Variants in CSMD1 observed in about 807,000 individuals in gnomAD.
CSMD1 encodes the protein CUB and Sushi multiple domains 1, also known as CUB and sushi domain-containing protein 1.
A neutral mutation model predicts 417.5 loss-of-function variants in CSMD1; 213 were observed. The observed-to-expected ratio is 0.51, with a 90% CI of 0.46 to 0.57. The LOEUF is 0.57. Ranked by LOEUF, CSMD1 falls within the 20% of genes least tolerant of loss-of-function variation. CSMD1 has a pLI of 0.00. For missense variants in CSMD1, 6,923 were observed against 4,529.7 expected (o/e 1.53, Z -15.17); for synonymous variants, 2,862 against 1,736.8 (o/e 1.65, Z -16.11).
At chr8:4,307,263 A>G (rs1798299085) in intron 3 of CSMD1, among the ~76,000 whole-genome samples, 1 of 152,108 alleles carries the variant, frequency 6.6e-6, no homozygotes, top group Admixed American at 6.6e-5. Context: ...TCATGCACAG[A>G]GGGCTGTTGA....
intron 57 of CSMD1, among the ~76,000 whole-genome samples, chr8:2,967,133 G>C (rs1219799149): frequency 6.6e-6 from 1 of 152,162 alleles, no homozygotes; most frequent in African/African-American, 2.4e-5. Context: ...GAATATCTAT[G>C]ATATTAGCAA....
At chr8:4,257,858 T>C (rs1217890552) in intron 3 of CSMD1, among the ~76,000 whole-genome samples, 1 of 152,220 alleles carries the variant, frequency 6.6e-6, no homozygotes, top group Non-Finnish European at 1.5e-5. Context: ...ATTATTCAGC[T>C]ACAGCGTACT....
At chr8:3,719,983 G>A (rs529652220) in intron 6 of CSMD1, among the ~76,000 whole-genome samples, 65 of 152,294 alleles carry the variant, frequency 4.3e-4, no homozygotes, top group South Asian at 3.9e-3. Flanking sequence ...CAGAGCTGTG[G>A]TGAAGATTAC....
At position 4,160,407 on chromosome 8, in the gene CSMD1, C is replaced by T. The variant is rs150765469; in HGVS notation, c.416-128308G>A. Among the ~76,000 whole-genome samples, 1,502 of 152,202 alleles carry T rather than the reference C, an allele frequency of 9.9e-3. 26 individuals carry two copies. The highest frequency in any genetic ancestry group is 0.034 in the African/African-American group (1,423 of 41,502). ...GTTATGTTGACATATATATACGCAA[C>T]TTTAAATTCAATGAAATAGTCCAGA... On this transcript the variant is annotated intron_variant, in intron 3 of 69. Transcript: ENST00000635120.
At chr8:3,869,813 G>T (rs762240048) in intron 5 of CSMD1, among the ~76,000 whole-genome samples, 2 of 152,060 alleles carry the variant, frequency 1.3e-5, no homozygotes, top group Admixed American at 1.3e-4. Flanking sequence ...CCAGATTTCC[G>T]TATCAACTGC....
rs896452688 is a variant in CSMD1, at chr8:4,254,327, C to T, written c.415+165626G>A. Among the ~76,000 whole-genome samples, 4 of 152,226 alleles carry T rather than the reference C, an allele frequency of 2.6e-5. 1 individual carries two copies. Among genetic ancestry groups the T allele is most frequent in the Non-Finnish European group, 4.4e-5 (3 of 68,024 alleles). Reference sequence around the variant, plus strand: ...CAGGAATTCGATTATTGATAACATTCGTTCTATGGAGAGTCTGCTTGTATA... The same window carrying T: ...CAGGAATTCGATTATTGATAACATTTGTTCTATGGAGAGTCTGCTTGTATA... On this transcript the variant is annotated intron_variant, in intron 3 of 69. Transcript: ENST00000635120.
chr8:4,693,622 C>T (rs1054318129), intron 1 of CSMD1, among the ~76,000 whole-genome samples: 2 of 152,078 alleles, frequency 1.3e-5, no homozygotes, highest in Non-Finnish European at 2.9e-5. Flanking sequence ...TTTTCTCCTT[C>T]CATTTTTTCA....
At chr8:4,264,733 G>A (rs1479039424) in intron 3 of CSMD1, among the ~76,000 whole-genome samples, 2 of 152,120 alleles carry the variant, frequency 1.3e-5, no homozygotes, top group Non-Finnish European at 2.9e-5. Context: ...CCCAGGGGTA[G>A]GGAACATCCT....
At chr8:4,278,065 A>G (rs1193026477) in intron 3 of CSMD1, among the ~76,000 whole-genome samples, 1 of 152,162 alleles carries the variant, frequency 6.6e-6, no homozygotes, top group Non-Finnish European at 1.5e-5. Flanking sequence ...CTAACTTTAA[A>G]TACAATAATT....
At position 3,387,471 on chromosome 8, in the gene CSMD1, T is replaced by A. The variant is rs113836129; in HGVS notation, c.2782+23A>T. On this transcript the variant is annotated intron_variant, in intron 18 of 69. Transcript: ENST00000635120. ...TGTCTCTGCACACCCTGCTGGTGCA[T>A]TGCCTCACTGAGCTGTACCTACCGT... is the stretch of plus-strand genomic sequence containing the variant. 8.3e-6 allele frequency: 13 copies of A among 1,572,276 alleles called. No individual in the cohort carries two copies. In the African/African-American group the frequency reaches 1.2e-4, roughly 15 times the overall value.
chr8:3,704,177 G>C (rs1801032703), intron 7 of CSMD1, among the ~76,000 whole-genome samples: 2 of 152,164 alleles, frequency 1.3e-5, no homozygotes, highest in African/African-American at 4.8e-5. Context: ...GTGAAGGCTG[G>C]TTGTTGGAGA....
intron 7 of CSMD1, among the ~76,000 whole-genome samples, chr8:3,622,825 G>C (rs1471054772): frequency 3.3e-5 from 5 of 152,136 alleles, no homozygotes; most frequent in Non-Finnish European, 5.9e-5. Flanking sequence ...GATTCATCTA[G>C]AAATAAAAGC....
chr8:3,157,191 G>C (rs1399924170), intron 39 of CSMD1, among the ~76,000 whole-genome samples: 1 of 151,972 alleles, frequency 6.6e-6, no homozygotes, highest in Non-Finnish European at 1.5e-5. Flanking sequence ...TTTCTGAGTT[G>C]GGCTACAACA....
At chr8:4,788,077 T>C (rs903555850) in intron 1 of CSMD1, 125 of 1,600,036 alleles carry the variant, frequency 7.8e-5, no homozygotes, top group Non-Finnish European at 1.0e-4. Flanking sequence ...GCAGAGAAAG[T>C]AGAGTTGCTT....
chr8:4,102,177 C>G (rs1443002429), intron 3 of CSMD1, among the ~76,000 whole-genome samples: 2 of 152,126 alleles, frequency 1.3e-5, no homozygotes, highest in Non-Finnish European at 2.9e-5. Flanking sequence ...TTTTGTTTTT[C>G]TGTGTTAAAT....
At chr8:3,430,029 G>C (rs1206040105) in intron 12 of CSMD1, among the ~76,000 whole-genome samples, 1 of 151,990 alleles carries the variant, frequency 6.6e-6, no homozygotes, top group East Asian at 1.9e-4. Context: ...TATAAAAGAG[G>C]ATAAATCAGA....
intron 33 of CSMD1, among the ~76,000 whole-genome samples, chr8:3,190,683 C>A (rs1195869492): frequency 6.6e-6 from 1 of 152,188 alleles, no homozygotes; most frequent in Non-Finnish European, 1.5e-5. Context: ...AAAATCGGTA[C>A]TCTCACATTC....
chr8:3,338,733 A>G (rs1297112632), intron 23 of CSMD1, among the ~76,000 whole-genome samples: 3 of 151,986 alleles, frequency 2.0e-5, no homozygotes, highest in African/African-American at 7.3e-5. Context: ...TTTTCTTTTT[A>G]AAATAATTGG....
chr8:4,893,705 C>G (rs1250041073), intron 1 of CSMD1, among the ~76,000 whole-genome samples: 3 of 152,114 alleles, frequency 2.0e-5, no homozygotes, highest in African/African-American at 7.3e-5. Flanking sequence ...AGTCTAAACT[C>G]ACATTTACAT....
Sources: allele counts gnomAD v4.1 joint callset (sites outside exome capture counted in the v4.1 genomes callset), GRCh38; gene constraint gnomAD v4.1.1; transcripts MANE v1.5; gene names NCBI Gene and HGNC (gene_info 2026-07-23, HGNC 2026-07-21).